Variants in TTC39C observed in about 807,000 individuals in gnomAD.
The protein encoded by TTC39C is tetratricopeptide repeat domain 39C, also known as tetratricopeptide repeat protein 39C.
Under a neutral mutation model 76.3 loss-of-function variants are expected in TTC39C, and 33 were observed. The ratio of observed to expected loss-of-function variants is 0.43; its 90% CI spans 0.33 to 0.58. The LOEUF is 0.58. Among genes scored for constraint, TTC39C ranks in the 20% least tolerant of loss-of-function variants. The pLI is 0.04. For synonymous variants in TTC39C, 254 were observed against 260.6 expected (o/e 0.97, Z 0.24); for missense variants, 595 against 701.4 (o/e 0.85, Z 1.71).
intron 9 of TTC39C, 178 bp downstream of exon 9, chr18:24,124,121 A>G (rs2085014808): frequency 2.2e-6 from 1 of 457,804 alleles, no homozygotes; most frequent in African/African-American, 2.0e-5. Context: ...TGAATAGAAG[A>G]TTCTTGCCTT....
intron 1 of TTC39C, among the ~76,000 whole-genome samples, chr18:24,043,822 G>A (rs908925320): frequency 9.5e-4 from 145 of 152,340 alleles, no homozygotes; most frequent in African/African-American, 3.4e-3. Context: ...AAATCTCAGG[G>A]ATATGGTATT....
intron 6 of TTC39C, among the ~76,000 whole-genome samples, chr18:24,092,276 G>A (rs1290600453): frequency 1.3e-5 from 2 of 152,124 alleles, no homozygotes; most frequent in Non-Finnish European, 2.9e-5. Context: ...AATAGCAAGT[G>A]TGGGCAGGAT....
intron 6 of TTC39C, among the ~76,000 whole-genome samples, chr18:24,111,361 G>A (rs1043457891): frequency 6.6e-6 from 1 of 152,048 alleles, no homozygotes; most frequent in Admixed American, 6.6e-5. Flanking sequence ...ACGAGGTCAG[G>A]AGTTCGAGAC....
intron 6 of TTC39C, among the ~76,000 whole-genome samples, chr18:24,086,320 G>A (rs1804320115): frequency 6.6e-6 from 1 of 152,186 alleles, no homozygotes; most frequent in Admixed American, 6.5e-5. Flanking sequence ...CTAACATGCA[G>A]GGTGACTGTC....
intron 8 of TTC39C, chr18:24,120,855 CAT>C (rs150118063): frequency 0.12 from 18,472 of 152,340 alleles, 1,283 homozygotes; most frequent in Middle Eastern, 0.28. Context: ...CATGTTGTAA[CAT>C]GTGTCAGGAT....
chr18:24,062,019 G>A (rs1004864287), intron 1 of TTC39C, among the ~76,000 whole-genome samples: 30 of 152,330 alleles, frequency 2.0e-4, no homozygotes, highest in South Asian at 6.2e-4. Flanking sequence ...TCACGTGCCC[G>A]ATGCACCCGG....
intron 1 of TTC39C, chr18:24,015,391 T>C (rs899020427): frequency 4.2e-5 from 8 of 192,150 alleles, no homozygotes; most frequent in Non-Finnish European, 8.5e-5. Flanking sequence ...CGGATGAGAT[T>C]TGAGGCAGCA....
chr18:24,110,018 A>C (rs534742980), intron 6 of TTC39C, among the ~76,000 whole-genome samples: 1 of 152,282 alleles, frequency 6.6e-6, no homozygotes, highest in Admixed American at 6.5e-5. Context: ...CTCAAAAAAA[A>C]CCACGAAATT....
At chr18:24,083,412 A>T (rs371729376) in intron 6 of TTC39C, among the ~76,000 whole-genome samples, 1 of 152,170 alleles carries the variant, frequency 6.6e-6, no homozygotes, top group African/African-American at 2.4e-5. Flanking sequence ...TCCCTCTCTG[A>T]ATTACTAATA....
intron 6 of TTC39C, among the ~76,000 whole-genome samples, chr18:24,091,954 G>C (rs1038684441): frequency 2.0e-5 from 3 of 151,750 alleles, no homozygotes; most frequent in East Asian, 3.9e-4. Context: ...TTAGCCAGGT[G>C]TGGTAGCGGG....
intron 1 of TTC39C, among the ~76,000 whole-genome samples, chr18:24,062,285 A>G (rs1184546903): frequency 6.6e-6 from 1 of 152,212 alleles, no homozygotes; most frequent in Non-Finnish European, 1.5e-5. Context: ...CTAATATTTG[A>G]GCAGGGAAAG....
chr18:24,043,734 A>G (rs977393959), intron 1 of TTC39C, among the ~76,000 whole-genome samples: 3 of 152,244 alleles, frequency 2.0e-5, no homozygotes, highest in African/African-American at 7.2e-5. Flanking sequence ...ACCATTAACT[A>G]TTAAATCCAT....
At chr18:24,048,448 T>G (rs1599272667) in intron 1 of TTC39C, among the ~76,000 whole-genome samples, 1 of 152,378 alleles carries the variant, frequency 6.6e-6, no homozygotes, top group South Asian at 2.1e-4. Flanking sequence ...TGCCTTTTTT[T>G]GCATTTATGC....
At chr18:24,038,006 T>C (rs992427441) in intron 1 of TTC39C, among the ~76,000 whole-genome samples, 2 of 152,244 alleles carry the variant, frequency 1.3e-5, no homozygotes, top group African/African-American at 4.8e-5. Context: ...GCACTTGCTA[T>C]GCTATGCTAC....
chr18:24,017,494 T>A (rs1399024338), intron 1 of TTC39C, among the ~76,000 whole-genome samples: 2 of 152,246 alleles, frequency 1.3e-5, no homozygotes, highest in East Asian at 3.8e-4. Flanking sequence ...CTTCTGTACG[T>A]GGTGCCTTCC....
In TTC39C at chr18:24,132,582, G is replaced by A. The variant is rs202129133; in HGVS notation, c.*8G>A. 32 of 1,610,402 alleles carry A rather than the reference G, an allele frequency of 2.0e-5. No individual in the cohort carries two copies. The South Asian group carries it at 2.4e-4, about 12-fold the overall frequency. On this transcript the variant is annotated 3_prime_UTR_variant, in exon 14 of 14. Coordinates refer to ENST00000317571, the MANE Select transcript of TTC39C (RefSeq NM_001135993.2). The stretch of plus-strand genomic sequence containing the variant: ...GAATTGGTTCCTCAGTGACAGACCC[G>A]GAACACCCGCTCCGTCCCTCCCCAC...
At chr18:24,062,099 T>C (rs181024824) in intron 1 of TTC39C, among the ~76,000 whole-genome samples, 42 of 152,288 alleles carry the variant, frequency 2.8e-4, no homozygotes, top group Admixed American at 4.6e-4. Context: ...CTATGGTTTC[T>C]TTTCCCCCCT....
At chr18:24,113,031 C>T (rs1048954175) in intron 6 of TTC39C, among the ~76,000 whole-genome samples, 1 of 152,062 alleles carries the variant, frequency 6.6e-6, no homozygotes, top group Non-Finnish European at 1.5e-5. Context: ...GCCTTCTGAG[C>T]TGTGGGCGAT....
chr18:24,078,037 G>T (rs1199081955), intron 4 of TTC39C, among the ~76,000 whole-genome samples: 4 of 152,146 alleles, frequency 2.6e-5, no homozygotes, highest in Non-Finnish European at 5.9e-5. Context: ...TTGAAATGTG[G>T]TGTTTGTACA....
Sources: gnomAD v4.1 joint callset for allele counts (sites outside exome capture counted in the v4.1 genomes callset) on GRCh38, gnomAD v4.1.1 for gene constraint, MANE v1.5 for transcripts, NCBI Gene and HGNC (gene_info 2026-07-23, HGNC 2026-07-21) for gene names.